SRPK2: variants seen among roughly 807,000 people sequenced by gnomAD.
SRPK2 encodes the protein SFRS protein kinase 2.
Under a neutral mutation model 90.8 loss-of-function variants are expected in SRPK2, and 21 were observed. That is an observed-to-expected ratio of 0.23 (90% confidence interval 0.16 to 0.33). SRPK2 has a LOEUF of 0.33. SRPK2 is among the 10% of genes least tolerant of loss of function. SRPK2 has a pLI of 1.00. For missense variants in SRPK2, 620 were observed against 869.0 expected, an observed-to-expected ratio of 0.71 and a Z score of 3.60; for synonymous variants, 288 against 311.1, an observed-to-expected ratio of 0.93 and a Z score of 0.78.
intron 2 of SRPK2, among the ~76,000 whole-genome samples, chr7:105,328,041 G>A (rs957610242): frequency 6.6e-6 from 1 of 152,162 alleles, no homozygotes; most frequent in Non-Finnish European, 1.5e-5. Context: ...CTCCCAAAGT[G>A]CTGGGATTAC....
upstream of SRPK2, among the ~76,000 whole-genome samples, chr7:105,391,320 C>T (rs1045774091): frequency 6.6e-6 from 1 of 152,106 alleles, no homozygotes; most frequent in African/African-American, 2.4e-5. Context: ...ATTCTCCTGC[C>T]TCAACCCTCC....
intron 3 of SRPK2, among the ~76,000 whole-genome samples, chr7:105,192,700 C>T (rs1454469651): frequency 1.3e-5 from 2 of 152,154 alleles, no homozygotes; most frequent in African/African-American, 4.8e-5. Flanking sequence ...TGCATCCATG[C>T]TAACATCTAT....
chr7:105,324,565 G>T (rs1169241746), intron 2 of SRPK2, among the ~76,000 whole-genome samples: 4 of 152,184 alleles, frequency 2.6e-5, no homozygotes, highest in Non-Finnish European at 5.9e-5. Context: ...GAATGCTGAG[G>T]ACTGTTGCTG....
chr7:105,122,407 T>C (rs1299961039), intron 15 of SRPK2, among the ~76,000 whole-genome samples: 1 of 152,158 alleles, frequency 6.6e-6, no homozygotes, highest in Non-Finnish European at 1.5e-5. Context: ...TCATTCATAA[T>C]AGCCAAAAAG....
At chr7:105,140,910 G>A (rs1310479647) in intron 11 of SRPK2, among the ~76,000 whole-genome samples, 23 of 151,948 alleles carry the variant, frequency 1.5e-4, no homozygotes, top group Admixed American at 6.6e-5. Flanking sequence ...GCAGTGAGCC[G>A]AGATCGCGCC....
At chr7:105,229,048 G>C (rs1194368385) in intron 2 of SRPK2, among the ~76,000 whole-genome samples, 1 of 152,180 alleles carries the variant, frequency 6.6e-6, no homozygotes, top group Non-Finnish European at 1.5e-5. Context: ...ACAGCTAGCT[G>C]TTTTAAAAAG....
chr7:105,281,395 C>A (rs1314379524), intron 2 of SRPK2, among the ~76,000 whole-genome samples: 1 of 152,108 alleles, frequency 6.6e-6, no homozygotes, highest in East Asian at 1.9e-4. Context: ...CACGCCTGGC[C>A]TCCTAACTTT....
intron 7 of SRPK2, among the ~76,000 whole-genome samples, chr7:105,157,226 G>A (rs1168642724): frequency 3.3e-5 from 5 of 152,106 alleles, no homozygotes; most frequent in Non-Finnish European, 5.9e-5. Flanking sequence ...TTCAACAGGC[G>A]GGTTCCTGGG....
chr7:105,176,163 G>A (rs1184820682), intron 3 of SRPK2, among the ~76,000 whole-genome samples: 1 of 152,042 alleles, frequency 6.6e-6, no homozygotes, highest in African/African-American at 2.4e-5. Flanking sequence ...ACACAAACTT[G>A]GGTCAGTATT....
intron 11 of SRPK2, among the ~76,000 whole-genome samples, chr7:105,135,005 G>C (rs1227901203): frequency 6.6e-6 from 1 of 152,054 alleles, no homozygotes; most frequent in East Asian, 1.9e-4. Flanking sequence ...CAAAAAAGAA[G>C]GCAAAATGAA....
chr7:105,369,828 G>C (rs926399692), intron 2 of SRPK2, among the ~76,000 whole-genome samples: 5 of 152,132 alleles, frequency 3.3e-5, no homozygotes, highest in Admixed American at 6.6e-5. Context: ...AGGAGTTCGA[G>C]ACCAGCCTGA....
intron 15 of SRPK2, among the ~76,000 whole-genome samples, chr7:105,122,385 A>G (rs1242488546): frequency 6.6e-6 from 1 of 152,190 alleles, no homozygotes; most frequent in Admixed American, 6.5e-5. Context: ...TACATTAATG[A>G]TCATAGTAGC....
intron 2 of SRPK2, among the ~76,000 whole-genome samples, chr7:105,323,995 G>GTGTGTGTGTGTGTGTGTGTGTGTA (rs1813249461): frequency 6.8e-6 from 1 of 147,738 alleles, no homozygotes; most frequent in Non-Finnish European, 1.5e-5. Flanking sequence ...GTGTGTGTGT[G>GTGTGTGTGTGTGTGTGTGTGTGTA]TGTGTGTGTG....
intron 2 of SRPK2, among the ~76,000 whole-genome samples, chr7:105,282,726 T>C (rs1260881541): frequency 6.6e-6 from 1 of 151,990 alleles, no homozygotes; most frequent in Non-Finnish European, 1.5e-5. Flanking sequence ...GAAGCGGAGG[T>C]TGCAGTGAGC....
At chr7:105,352,598 A>T (rs1388059080) in intron 2 of SRPK2, among the ~76,000 whole-genome samples, 1 of 152,272 alleles carries the variant, frequency 6.6e-6, no homozygotes, top group Non-Finnish European at 1.5e-5. Context: ...ATGTGGTAAT[A>T]AATAGCTAAT....
chr7:105,120,906 G>C (rs1415951229), intron 15 of SRPK2, among the ~76,000 whole-genome samples: 2 of 152,174 alleles, frequency 1.3e-5, no homozygotes, highest in Admixed American at 6.6e-5. Flanking sequence ...GAGTCCATGA[G>C]CCAGCTCCAG....
At chr7:105,291,586 C>T (rs547903097) in intron 2 of SRPK2, among the ~76,000 whole-genome samples, 5 of 152,158 alleles carry the variant, frequency 3.3e-5, no homozygotes, top group East Asian at 1.9e-4. Flanking sequence ...AAAAATTAGC[C>T]GGGCATGGTG....
chr7:105,329,462 G>A (rs1192292095), intron 2 of SRPK2, among the ~76,000 whole-genome samples: 3 of 151,886 alleles, frequency 2.0e-5, no homozygotes, highest in African/African-American at 4.8e-5. Flanking sequence ...GCATGGTGGT[G>A]AACGCATGGA....
chr7:105,338,258 G>GT (rs1196166325), intron 2 of SRPK2, among the ~76,000 whole-genome samples: 1 of 151,884 alleles, frequency 6.6e-6, no homozygotes, highest in Admixed American at 6.6e-5. Context: ...GTTTTGTTTT[G>GT]TTTTTTGTTT....
Sources: gnomAD v4.1 joint callset for allele counts (sites outside exome capture counted in the v4.1 genomes callset) on GRCh38, gnomAD v4.1.1 for gene constraint, MANE v1.5 for transcripts, NCBI Gene and HGNC (gene_info 2026-07-23, HGNC 2026-07-21) for gene names.